Variants in CUX1 observed in about 807,000 individuals in gnomAD.
CUX1 encodes the protein protein CASP.
CUX1 carries 31 observed loss-of-function variants against 158.8 expected under a neutral mutation model. The ratio of observed to expected loss-of-function variants is 0.20; its 90% CI spans 0.15 to 0.26. The LOEUF (loss-of-function observed/expected upper bound fraction) is 0.26. CUX1 is among the 10% of genes least tolerant of loss of function. CUX1 has a pLI of 1.00. For synonymous variants in CUX1, 879 were observed against 862.1 expected (o/e 1.02, Z -0.34); for missense variants, 1,589 against 2,014.6 (o/e 0.79, Z 4.04).
At chr7:102,171,952 G>A (rs1554510556) in intron 10 of CUX1, among the ~76,000 whole-genome samples, 1 of 152,230 alleles carries the variant, frequency 6.6e-6, no homozygotes, top group African/African-American at 2.4e-5. Flanking sequence ...AGGGCTTGTA[G>A]TGGACACCCG....
chr7:101,968,909 A>G (rs1811577096), intron 2 of CUX1, among the ~76,000 whole-genome samples: 1 of 152,126 alleles, frequency 6.6e-6, no homozygotes, highest in Admixed American at 6.6e-5. Context: ...CTCTCTCCAC[A>G]TTGGTAAAGG....
At chr7:102,274,231 C>T in intron 15 of CUX1, 3 of 1,612,680 alleles carry the variant, frequency 1.9e-6, no homozygotes, top group Middle Eastern at 3.3e-4. Context: ...TCATCGCTTC[C>T]TGTCACCTGC....
At chr7:101,997,636 G>A (rs1816126070) in intron 2 of CUX1, among the ~76,000 whole-genome samples, 2 of 152,100 alleles carry the variant, frequency 1.3e-5, no homozygotes, top group South Asian at 4.1e-4. Context: ...GAGCCACCAG[G>A]CCCAGCTAAC....
chr7:102,224,212 A>T (rs1034277567), intron 20 of CUX1, among the ~76,000 whole-genome samples: 1 of 151,774 alleles, frequency 6.6e-6, no homozygotes, highest in Non-Finnish European at 1.5e-5. Context: ...TTATTTATTT[A>T]TTTATTTATT....
At chr7:102,214,574 G>T (rs915350117) in intron 20 of CUX1, among the ~76,000 whole-genome samples, 16 of 152,218 alleles carry the variant, frequency 1.1e-4, no homozygotes, top group African/African-American at 3.4e-4. Context: ...AACCTCTTCT[G>T]GTCTAAATTC....
chr7:102,185,592 T>C (rs369485719), intron 11 of CUX1, among the ~76,000 whole-genome samples: 3,598 of 150,550 alleles, frequency 0.024, 78 homozygotes, highest in Non-Finnish European at 0.034. Flanking sequence ...GCTAATGTTT[T>C]GGGGTTTTTT....
chr7:102,058,561 G>A (rs956177020), intron 3 of CUX1, among the ~76,000 whole-genome samples: 26 of 152,126 alleles, frequency 1.7e-4, no homozygotes, highest in African/African-American at 5.3e-4. Context: ...AGGATTACAA[G>A]TGTGAGCCAC....
In CUX1 at chr7:102,256,924, T is replaced by C. The variant is rs1789959650; in HGVS notation, c.*7882T>C. 1.1e-5 allele frequency: 11 copies of C among 985,358 alleles called. No homozygotes were observed. The highest frequency in any genetic ancestry group is 1.3e-5 in the Non-Finnish European group (11 of 829,984). 61.0% of individuals were successfully genotyped at this position (985,358 alleles called of 1,614,324 possible). A position where few individuals can be genotyped will look rare whatever the true frequency, so the allele number is the denominator to read the frequency against. On this transcript the variant is annotated 3_prime_UTR_variant, in exon 24 of 24. Transcript: ENST00000292535. ...TCAAAACCATCTTTCAAAGCAACAG[T>C]GTTTTGTAGTACCAGGCTGTGGCTT...
At chr7:102,097,160 A>C (rs967179046) in intron 4 of CUX1, among the ~76,000 whole-genome samples, 1 of 152,238 alleles carries the variant, frequency 6.6e-6, no homozygotes, top group Non-Finnish European at 1.5e-5. Flanking sequence ...TCACACCTCG[A>C]GGACCCCGGG....
chr7:101,836,458 C>G (rs550062157), intron 1 of CUX1, among the ~76,000 whole-genome samples: 1 of 152,022 alleles, frequency 6.6e-6, no homozygotes, highest in Non-Finnish European at 1.5e-5. Context: ...TGGTTGCCCC[C>G]GCGGTCCTCC....
chr7:102,173,499 G>A (rs565836671), intron 10 of CUX1, among the ~76,000 whole-genome samples: 1 of 152,248 alleles, frequency 6.6e-6, no homozygotes, highest in South Asian at 2.1e-4. Flanking sequence ...CTCTGTTACA[G>A]TTCCTTCCTC....
chr7:102,265,623 C>T (rs990073798), intron 14 of CUX1, among the ~76,000 whole-genome samples: 3 of 151,796 alleles, frequency 2.0e-5, no homozygotes, highest in Non-Finnish European at 1.5e-5. Flanking sequence ...TTTGTAGCGA[C>T]AGTCTGGCTA....
intron 3 of CUX1, among the ~76,000 whole-genome samples, chr7:102,033,943 C>T (rs549258838): frequency 6.6e-5 from 10 of 151,788 alleles, no homozygotes; most frequent in East Asian, 2.0e-4. Flanking sequence ...GTTGGGAGAT[C>T]GAGACCAGCC....
chr7:102,077,528 TAAAAAAA>T (rs35999980), intron 4 of CUX1, among the ~76,000 whole-genome samples: 4 of 113,958 alleles, frequency 3.5e-5, no homozygotes, highest in Admixed American at 1.0e-4. Flanking sequence ...CCCATCTCTT[TAAAAAAA>T]AAAAAAAAAA....
At chr7:102,085,729 T>G (rs950617759) in intron 4 of CUX1, among the ~76,000 whole-genome samples, 1 of 152,054 alleles carries the variant, frequency 6.6e-6, no homozygotes, top group Admixed American at 6.5e-5. Context: ...AGTTTTCTGG[T>G]TTTTTTCCTT....
rs1217523731 is a variant in CUX1 at position 102,120,643 on chromosome 7, C to T, written c.674+5370C>T. Among the ~76,000 whole-genome samples, 8 of 152,312 alleles carry T rather than the reference C, an allele frequency of 5.3e-5. 1 individual carries two copies. The highest frequency in any genetic ancestry group is 2.9e-5 in the Non-Finnish European group (2 of 68,028). ...CATGTATATAACCAGTACTTTATCACAAAATACAACGTGCTCTGAAACAGC... is the reference window on the plus strand; with the variant it reads ...CATGTATATAACCAGTACTTTATCATAAAATACAACGTGCTCTGAAACAGC... On this transcript the variant is annotated intron_variant, in intron 8 of 23. Transcript: ENST00000292535.
At chr7:101,976,081 C>T (rs1054143271) in intron 2 of CUX1, among the ~76,000 whole-genome samples, 3 of 151,780 alleles carry the variant, frequency 2.0e-5, no homozygotes, top group Non-Finnish European at 4.4e-5. Flanking sequence ...TGCAGTGAGC[C>T]GAGATCACAC....
At chr7:102,227,910 A>G (rs956755914) in intron 21 of CUX1, among the ~76,000 whole-genome samples, 2 of 150,056 alleles carry the variant, frequency 1.3e-5, no homozygotes, top group Admixed American at 6.6e-5. Flanking sequence ...ATGGAGTCAG[A>G]GTGGACTCGG....
chr7:102,144,074 G>A lies in CUX1; in HGVS notation c.675-14486G>A, dbSNP rs182708663. On this transcript the variant is annotated intron_variant, in intron 8 of 23. Transcript: ENST00000292535. Reference sequence around the variant, plus strand: ...TGGGATTACAGGCGTGAGCCACTGCGCCCAGCCAGGACGGCCACTTCTAAT... The same window carrying A: ...TGGGATTACAGGCGTGAGCCACTGCACCCAGCCAGGACGGCCACTTCTAAT... Among the ~76,000 whole-genome samples, 694 of 152,282 alleles carry A rather than the reference G, an allele frequency of 4.6e-3. 2 individuals are homozygous for A. The highest frequency in any genetic ancestry group is 0.016 in the African/African-American group (671 of 41,556).
Sources: gnomAD v4.1 joint callset for allele counts (sites outside exome capture counted in the v4.1 genomes callset) on GRCh38, gnomAD v4.1.1 for gene constraint, MANE v1.5 for transcripts, NCBI Gene and HGNC (gene_info 2026-07-23, HGNC 2026-07-21) for gene names.